DENND2A: variants seen among roughly 807,000 people sequenced by gnomAD.
DENND2A encodes the protein DENN domain containing 2A.
Under a neutral mutation model 105.3 loss-of-function variants are expected in DENND2A, and 53 were observed. The observed-to-expected ratio is 0.50, with a 90% CI of 0.40 to 0.63. The LOEUF (loss-of-function observed/expected upper bound fraction) is 0.63. Among genes scored for constraint, DENND2A ranks in the 30% least tolerant of loss-of-function variants. The pLI is 0.00. For missense variants in DENND2A, 1,138 were observed against 1,279.6 expected (o/e 0.89, Z 1.69); for synonymous variants, 522 against 508.4 (o/e 1.03, Z -0.36).
At chr7:140,619,209 C>A (rs1191289908) in intron 1 of DENND2A, among the ~76,000 whole-genome samples, 1 of 152,118 alleles carries the variant, frequency 6.6e-6, no homozygotes, top group Admixed American at 6.6e-5. Context: ...AAGTTAAAAG[C>A]TACTCAAAAG....
intron 12 of DENND2A, among the ~76,000 whole-genome samples, chr7:140,548,814 T>C (rs1196438372): frequency 2.7e-5 from 4 of 150,880 alleles, no homozygotes; most frequent in Admixed American, 6.6e-5. Flanking sequence ...GGTTTCTCCA[T>C]GTTGGTTAGG....
intron 9 of DENND2A, among the ~76,000 whole-genome samples, chr7:140,562,871 A>G (rs1797688276): frequency 6.6e-6 from 1 of 152,204 alleles, no homozygotes; most frequent in African/African-American, 2.4e-5. Context: ...TCTTTTCTAT[A>G]TAACAGTTCT....
chr7:140,610,134 TA>T (rs10709637), intron 1 of DENND2A, among the ~76,000 whole-genome samples: 67,453 of 151,438 alleles, frequency 0.45, 18,971 homozygotes, highest in African/African-American at 0.81. Context: ...TGTGGCTAAT[TA>T]AAAAAAATTT....
intron 3 of DENND2A, among the ~76,000 whole-genome samples, chr7:140,591,154 G>C (rs957895860): frequency 3.3e-5 from 5 of 151,632 alleles, no homozygotes; most frequent in African/African-American, 4.9e-5. Context: ...AAAATTAACT[G>C]GGTGTGGTGG....
intron 13 of DENND2A, among the ~76,000 whole-genome samples, chr7:140,545,057 G>A (rs779284239): frequency 3.9e-5 from 6 of 152,084 alleles, no homozygotes; most frequent in Non-Finnish European, 5.9e-5. Context: ...AATGGTTTCC[G>A]GCCCCACATG....
chr7:140,589,462 T>A (rs1798920167), intron 3 of DENND2A, among the ~76,000 whole-genome samples: 1 of 152,136 alleles, frequency 6.6e-6, no homozygotes, highest in African/African-American at 2.4e-5. Context: ...GAAGGGGTCA[T>A]TTCACTGGAA....
intron 1 of DENND2A, among the ~76,000 whole-genome samples, chr7:140,623,133 G>C (rs891029842): frequency 5.3e-5 from 8 of 150,948 alleles, no homozygotes; most frequent in African/African-American, 1.5e-4. Flanking sequence ...TCAGGAGTTC[G>C]AGACCAGTCT....
intron 12 of DENND2A, among the ~76,000 whole-genome samples, chr7:140,555,312 T>A (rs1309487457): frequency 6.6e-6 from 1 of 151,894 alleles, no homozygotes; most frequent in Non-Finnish European, 1.5e-5. Context: ...TTTTTTTTTG[T>A]ATTTTTAGTA....
intron 12 of DENND2A, among the ~76,000 whole-genome samples, chr7:140,552,418 G>T (rs1797175084): frequency 6.8e-6 from 1 of 147,010 alleles, no homozygotes; most frequent in East Asian, 2.0e-4. Flanking sequence ...TTTCTTTACA[G>T]GGTCTCACTA....
chr7:140,605,269 C>T, intron 2 of DENND2A, among the ~76,000 whole-genome samples: 1 of 152,230 alleles, frequency 6.6e-6, no homozygotes, highest in South Asian at 2.1e-4. Flanking sequence ...TGGCTGCCAA[C>T]TGCTTTGTGG....
At chr7:140,553,163 C>T (rs1797208620) in intron 12 of DENND2A, among the ~76,000 whole-genome samples, 1 of 152,110 alleles carries the variant, frequency 6.6e-6, no homozygotes, top group African/African-American at 2.4e-5. Flanking sequence ...ATTTATTGAT[C>T]ATTCGTGGGC....
chr7:140,594,166 C>G (rs1156478962), intron 3 of DENND2A, among the ~76,000 whole-genome samples: 1 of 152,174 alleles, frequency 6.6e-6, no homozygotes, highest in Admixed American at 6.5e-5. Context: ...CTTCAGACTC[C>G]CAAAATGTTG....
At chr7:140,518,863 C>G in intron 19 of DENND2A, 125 bp from the exon 20 acceptor site, 1 of 792,622 alleles carries the variant, frequency 1.3e-6, no homozygotes, top group South Asian at 1.6e-5. Context: ...GAGCCTCATC[C>G]CTTGCTCTGG....
chr7:140,544,841 C>T, intron 13 of DENND2A, 75 bp from the exon 14 acceptor site: 1 of 1,544,218 alleles, frequency 6.5e-7, no homozygotes, highest in Non-Finnish European at 8.7e-7. Flanking sequence ...GTCGCAGTCC[C>T]AGGGCTCTGA....
chr7:140,542,147 C>T (rs983249318), intron 14 of DENND2A, among the ~76,000 whole-genome samples: 1 of 152,172 alleles, frequency 6.6e-6, no homozygotes, highest in Non-Finnish European at 1.5e-5. Context: ...CTCAGCCCTT[C>T]CTGGGGCTGC....
chr7:140,598,240 C>G (rs765101987), intron 3 of DENND2A, among the ~76,000 whole-genome samples: 46 of 152,096 alleles, frequency 3.0e-4, no homozygotes, highest in Non-Finnish European at 2.2e-4. Context: ...TCAGGAGTTT[C>G]TGAAAAGTAC....
chr7:140,529,561 A>G (rs1796184092), intron 14 of DENND2A, among the ~76,000 whole-genome samples: 1 of 152,160 alleles, frequency 6.6e-6, no homozygotes, highest in Non-Finnish European at 1.5e-5. Context: ...TCCATCAATG[A>G]TAGACTGGAT....
At chr7:140,519,966 C>T (rs532666767) in intron 18 of DENND2A, among the ~76,000 whole-genome samples, 13 of 151,306 alleles carry the variant, frequency 8.6e-5, no homozygotes, top group East Asian at 2.0e-4. Context: ...ATTCAACAAA[C>T]GCCTTCCGAG....
At chr7:140,624,392 T>C (rs1456649353) in intron 1 of DENND2A, among the ~76,000 whole-genome samples, 2 of 152,062 alleles carry the variant, frequency 1.3e-5, no homozygotes, top group Admixed American at 6.6e-5. Flanking sequence ...ACAAACTTAA[T>C]GATACTGGAA....
Sources: gnomAD v4.1 joint callset for allele counts (sites outside exome capture counted in the v4.1 genomes callset) on GRCh38, gnomAD v4.1.1 for gene constraint, MANE v1.5 for transcripts, NCBI Gene and HGNC (gene_info 2026-07-23, HGNC 2026-07-21) for gene names.